Variants in PXDNL observed in about 807,000 individuals in gnomAD.
PXDNL encodes the protein probable oxidoreductase PXDNL.
In PXDNL, 145 loss-of-function variants were observed where a neutral mutation model predicts 150.8. The observed-to-expected ratio is 0.96, with a 90% confidence interval of 0.84 to 1.10. The LOEUF (loss-of-function observed/expected upper bound fraction) is 1.10, where lower values mean the gene tolerates loss of function less well. Ranked by LOEUF, PXDNL falls within the 50% of genes least tolerant of loss-of-function variation. The pLI is 0.00. For missense variants in PXDNL, 2,087 were observed against 1,873.9 expected, an observed-to-expected ratio of 1.11 and a Z score of -2.10; for synonymous variants, 757 against 725.7, an observed-to-expected ratio of 1.04 and a Z score of -0.69.
intron 1 of PXDNL, among the ~76,000 whole-genome samples, chr8:51,757,550 T>C (rs1051419295): frequency 6.6e-5 from 10 of 152,222 alleles, no homozygotes; most frequent in Non-Finnish European, 1.5e-4. Context: ...TAAACTTTCA[T>C]GGAGTTTATC....
Position 51,374,696 on chromosome 8 carries a change from G to C in PXDNL, c.3593C>G (p.Pro1198Arg). 2.5e-6 allele frequency: 4 copies of C among 1,613,894 alleles called. No individual in the cohort carries two copies. The highest frequency in any genetic ancestry group is 3.4e-6 in the Non-Finnish European group (4 of 1,179,858). The change falls in exon 18 of 23, where the codon CCC (proline) becomes CGC (arginine). Residue 1198 changes from proline to arginine, a missense_variant. Coordinates refer to ENST00000356297, the MANE Select transcript of PXDNL (RefSeq NM_144651.5). ...YGSPGDIDLW[P>R]ALMVEDLIPG... is the part of the protein sequence containing the mutation. Reference sequence around the variant, plus strand: ...AATCAGGTCTTCAACCATAAGGGCGGGCCAGAGGTCAATGTCACCTGGAGA... The same window carrying C: ...AATCAGGTCTTCAACCATAAGGGCGCGCCAGAGGTCAATGTCACCTGGAGA...
intron 12 of PXDNL, among the ~76,000 whole-genome samples, chr8:51,429,549 G>A (rs1189296261): frequency 6.6e-6 from 1 of 152,010 alleles, no homozygotes; most frequent in East Asian, 1.9e-4. Flanking sequence ...CAGCCTGGGC[G>A]ACAGAGTGAG....
chr8:51,794,535 C>T (rs895111028), intron 1 of PXDNL, among the ~76,000 whole-genome samples: 1 of 152,144 alleles, frequency 6.6e-6, no homozygotes, highest in Non-Finnish European at 1.5e-5. Context: ...GAATTTCCAA[C>T]CCAGAATTTC....
intron 2 of PXDNL, among the ~76,000 whole-genome samples, chr8:51,633,991 C>T (rs551130016): frequency 6.8e-4 from 103 of 152,204 alleles, no homozygotes; most frequent in Middle Eastern, 3.4e-3. Flanking sequence ...TAATCAGGTC[C>T]TGCTTGTCAA....
chr8:51,781,925 C>T (rs367726061), intron 1 of PXDNL, among the ~76,000 whole-genome samples: 14 of 152,284 alleles, frequency 9.2e-5, no homozygotes, highest in Non-Finnish European at 1.9e-4. Context: ...CCCAGAATAC[C>T]GCCCCATCCT....
At chr8:51,354,672 T>C (rs1431624) in intron 19 of PXDNL, among the ~76,000 whole-genome samples, 111,419 of 151,984 alleles carry the variant, frequency 0.73, 41,384 homozygotes, top group East Asian at 0.94. Flanking sequence ...AGTTCTAGTA[T>C]TAAGAAACCA....
chr8:51,784,341 C>T (rs964824444), intron 1 of PXDNL, among the ~76,000 whole-genome samples: 1 of 152,196 alleles, frequency 6.6e-6, no homozygotes. Flanking sequence ...TTCTCCTTGA[C>T]AAATTATGCT....
intron 1 of PXDNL, among the ~76,000 whole-genome samples, chr8:51,727,988 C>G (rs2130928744): frequency 6.6e-6 from 1 of 152,312 alleles, no homozygotes; most frequent in African/African-American, 2.4e-5. Flanking sequence ...ATTTTGTTCT[C>G]TTAAATTTCA....
In PXDNL at chr8:51,472,068, C is replaced by T. The variant is rs980068153; in HGVS notation, c.812+119G>A. On this transcript the variant is annotated intron_variant, in intron 8 of 22. Coordinates refer to ENST00000356297, the MANE Select transcript of PXDNL (RefSeq NM_144651.5). ...AGATAAAAGTTAAAAGGCATTTTAT[C>T]TTTAAGAAACTCTGAAAATTTTAGT... 13 of 617,664 alleles carry T rather than the reference C, an allele frequency of 2.1e-5. No individual in the cohort carries two copies. The Admixed American group carries it at 2.6e-4, about 13-fold the overall frequency. 38.3% of individuals were successfully genotyped at this position (617,664 alleles called of 1,614,324 possible). A position where few individuals can be genotyped will look rare whatever the true frequency, so the allele number is the denominator to read the frequency against.
intron 1 of PXDNL, among the ~76,000 whole-genome samples, chr8:51,667,051 C>T (rs936585563): frequency 5.9e-5 from 9 of 152,114 alleles, no homozygotes; most frequent in Non-Finnish European, 8.8e-5. Flanking sequence ...CAGGACATGT[C>T]ATACTCATCA....
intron 17 of PXDNL, among the ~76,000 whole-genome samples, chr8:51,381,339 T>C (rs1265896324): frequency 2.0e-5 from 3 of 152,162 alleles, no homozygotes; most frequent in African/African-American, 7.2e-5. Context: ...TTTATTGTTC[T>C]GTGTCTTATC....
At chr8:51,765,157 A>G (rs1043054824) in intron 1 of PXDNL, among the ~76,000 whole-genome samples, 2 of 152,252 alleles carry the variant, frequency 1.3e-5, no homozygotes, top group Admixed American at 1.3e-4. Flanking sequence ...TGTCTCACCC[A>G]AATCTCATCT....
At chr8:51,506,666 T>C (rs1811301197) in intron 4 of PXDNL, among the ~76,000 whole-genome samples, 1 of 152,154 alleles carries the variant, frequency 6.6e-6, no homozygotes, top group Non-Finnish European at 1.5e-5. Flanking sequence ...TCTCTACCTC[T>C]TTTTGCCTGA....
chr8:51,528,926 G>T (rs1811824258), intron 4 of PXDNL, among the ~76,000 whole-genome samples: 1 of 152,280 alleles, frequency 6.6e-6, no homozygotes, highest in East Asian at 1.9e-4. Flanking sequence ...CTTAGATTTA[G>T]CCAGGCAAGA....
At chr8:51,364,692 A>G (rs1040567161) in intron 19 of PXDNL, among the ~76,000 whole-genome samples, 6 of 152,192 alleles carry the variant, frequency 3.9e-5, no homozygotes, top group Admixed American at 2.0e-4. Flanking sequence ...TTGTCTCACA[A>G]TCAGTCAGAA....
At chr8:51,591,192 A>T (rs1417720714) in intron 3 of PXDNL, among the ~76,000 whole-genome samples, 2 of 152,188 alleles carry the variant, frequency 1.3e-5, no homozygotes. Flanking sequence ...TGGACTTCCC[A>T]GCCTCCAGAA....
At chr8:51,755,816 G>A (rs1563311215) in intron 1 of PXDNL, among the ~76,000 whole-genome samples, 1 of 152,104 alleles carries the variant, frequency 6.6e-6, no homozygotes, top group Non-Finnish European at 1.5e-5. Flanking sequence ...TTGAGTCACT[G>A]TAGTTTATTT....
At chr8:51,715,356 C>A (rs1328261471) in intron 1 of PXDNL, among the ~76,000 whole-genome samples, 1 of 152,152 alleles carries the variant, frequency 6.6e-6, no homozygotes, top group Non-Finnish European at 1.5e-5. Flanking sequence ...GAGTTAGTTG[C>A]AGAAAGACAT....
Position 51,457,564 on chromosome 8 carries a change from T to A in PXDNL, c.916A>T (p.Met306Leu), listed in dbSNP as rs781250608. ...RESDQGVYQCMARNSAGEAKT... is the reference protein window; with the variant it reads ...RESDQGVYQCLARNSAGEAKT... ...GCTTCCCCAGCGGAATTTCTGGCCA[T>A]GCACTGATAGACACCTTGGTCTGAC... Residue 306 changes from methionine (M) to leucine (L), a missense_variant, in exon 9 of 23, where the codon ATG becomes TTG. Met to Leu is a conservative substitution (Grantham distance 15, BLOSUM62 2). Transcript: ENST00000356297. The A allele has an allele frequency of 1.2e-6, 2 of 1,613,818 alleles. No individual in the cohort carries two copies. The highest frequency in any genetic ancestry group is 4.5e-5 in the East Asian group (2 of 44,874).
Sources: gnomAD v4.1 joint callset for allele counts (sites outside exome capture counted in the v4.1 genomes callset) on GRCh38, gnomAD v4.1.1 for gene constraint, MANE v1.5 for transcripts, NCBI Gene and HGNC (gene_info 2026-07-23, HGNC 2026-07-21) for gene names.